FBXW7: variants seen among roughly 807,000 people sequenced by gnomAD.
FBXW7 encodes the protein F-box and WD repeat domain containing 7, also known as F-box/WD repeat-containing protein 7.
FBXW7 carries 11 observed loss-of-function variants against 86.3 expected under a neutral mutation model. The ratio of observed to expected loss-of-function variants is 0.13; its 90% CI spans 0.08 to 0.21. The LOEUF (loss-of-function observed/expected upper bound fraction) is 0.21. FBXW7 is among the 10% of genes least tolerant of loss of function. The pLI, the probability that FBXW7 is intolerant of heterozygous loss-of-function variation, is 1.00. For synonymous variants in FBXW7, 313 were observed against 297.9 expected, an observed-to-expected ratio of 1.05 and a Z score of -0.52; for missense variants, 488 against 847.4, an observed-to-expected ratio of 0.58 and a Z score of 5.27.
chr4:152,534,744 C>T (rs1750342123), intron 2 of FBXW7, among the ~76,000 whole-genome samples, 197 bp downstream of exon 2: 1 of 152,178 alleles, frequency 6.6e-6, no homozygotes, highest in Non-Finnish European at 1.5e-5. Context: ...AACCTGCATA[C>T]TTGCATTACT....
intron 2 of FBXW7, among the ~76,000 whole-genome samples, chr4:152,531,387 T>C (rs1345399554): frequency 6.6e-6 from 1 of 152,148 alleles, no homozygotes; most frequent in Non-Finnish European, 1.5e-5. Context: ...ATAATCACTG[T>C]TAAGAAGTCA....
In FBXW7 at chr4:152,381,326, A is replaced by G. The variant is rs549194176; in HGVS notation, c.501+29977T>C. Among the ~76,000 whole-genome samples, 11 of 152,208 alleles carry G rather than the reference A, an allele frequency of 7.2e-5. No homozygotes were observed. The South Asian group carries it at 2.1e-3, about 29-fold the overall frequency. On this transcript the variant is annotated intron_variant, in intron 4 of 13. Coordinates refer to ENST00000281708, the MANE Select transcript of FBXW7 (RefSeq NM_001349798.2). Reference sequence around the variant, plus strand: ...GTACAATACAATTATGTGTCAATTAAAAACAAAATAAAACTTTAAGAAACG... The same window carrying G: ...GTACAATACAATTATGTGTCAATTAGAAACAAAATAAAACTTTAAGAAACG...
intron 2 of FBXW7, among the ~76,000 whole-genome samples, chr4:152,513,380 T>G (rs1383554219): frequency 6.6e-6 from 1 of 152,078 alleles, no homozygotes; most frequent in South Asian, 2.1e-4. Flanking sequence ...TTAACCCTAA[T>G]CCAGGGAAGC....
chr4:152,417,650 G>A (rs534618826), intron 2 of FBXW7, among the ~76,000 whole-genome samples: 1 of 152,240 alleles, frequency 6.6e-6, no homozygotes, highest in Non-Finnish European at 1.5e-5. Flanking sequence ...ATCCCTGTGG[G>A]TGCGTAACAC....
At chr4:152,436,810 T>C (rs1245116158) in intron 2 of FBXW7, among the ~76,000 whole-genome samples, 1 of 152,180 alleles carries the variant, frequency 6.6e-6, no homozygotes, top group Non-Finnish European at 1.5e-5. Context: ...AGCACATCCA[T>C]TTATTGCAAG....
intron 2 of FBXW7, among the ~76,000 whole-genome samples, chr4:152,490,334 T>C (rs1465916077): frequency 1.3e-5 from 2 of 152,154 alleles, no homozygotes; most frequent in African/African-American, 2.4e-5. Flanking sequence ...TTTTATACTA[T>C]GTATATTTTG....
chr4:152,397,787 C>T (rs1353346647), intron 4 of FBXW7, among the ~76,000 whole-genome samples: 1 of 151,108 alleles, frequency 6.6e-6, no homozygotes. Flanking sequence ...TGGTTATACC[C>T]CACAATATTA....
intron 4 of FBXW7, among the ~76,000 whole-genome samples, chr4:152,373,374 C>T (rs1734179106): frequency 6.6e-6 from 1 of 151,940 alleles, no homozygotes; most frequent in Admixed American, 6.6e-5. Context: ...AAAATATTAA[C>T]AGTAGTATTT....
Position 152,336,894 on chromosome 4 carries a change from C to CT in FBXW7, c.861+907dup, listed in dbSNP as rs1420823700. 2.6e-5 allele frequency among the ~76,000 whole-genome samples: 4 copies of CT among 151,928 alleles called. No individual in the cohort carries two copies. In the South Asian group the frequency reaches 6.2e-4, roughly 24 times the overall value. On this transcript the variant is annotated intron_variant, in intron 7 of 13. Transcript: ENST00000281708. ...TAGAATGATAATCTTAAAAAAATGA[C>CT]TTTTTTCTGTTCAAATTTGAAGTTT...
chr4:152,473,633 A>C (rs1490670342), intron 2 of FBXW7, among the ~76,000 whole-genome samples: 1 of 151,304 alleles, frequency 6.6e-6, no homozygotes, highest in African/African-American at 2.4e-5. Flanking sequence ...GGTGTGCACC[A>C]CCACGCCTGC....
At chr4:152,496,737 T>G (rs767084933) in intron 2 of FBXW7, among the ~76,000 whole-genome samples, 3 of 152,130 alleles carry the variant, frequency 2.0e-5, no homozygotes, top group Non-Finnish European at 4.4e-5. Flanking sequence ...AATGTAAAGG[T>G]GACAACTATC....
chr4:152,389,374 ATAAC>A (rs1010750166), intron 4 of FBXW7, among the ~76,000 whole-genome samples: 1 of 152,118 alleles, frequency 6.6e-6, no homozygotes, highest in Non-Finnish European at 1.5e-5. Context: ...GTCAACTATG[ATAAC>A]TAACCCACAT....
intron 5 of FBXW7, among the ~76,000 whole-genome samples, chr4:152,347,437 A>G (rs1298664921): frequency 6.6e-6 from 1 of 152,290 alleles, no homozygotes; most frequent in East Asian, 1.9e-4. Flanking sequence ...TGACATAAGT[A>G]AAGTTTAAAT....
At chr4:152,457,099 T>C (rs887197120) in intron 2 of FBXW7, among the ~76,000 whole-genome samples, 11 of 152,244 alleles carry the variant, frequency 7.2e-5, no homozygotes, top group East Asian at 1.9e-4. Flanking sequence ...CTCAAATATA[T>C]TGAGCTAGGG....
intron 2 of FBXW7, among the ~76,000 whole-genome samples, chr4:152,495,100 C>T (rs761768278): frequency 5.3e-5 from 8 of 152,080 alleles, no homozygotes; most frequent in African/African-American, 7.2e-5. Context: ...ACCTGAAAAG[C>T]CTTCCCACAG....
At chr4:152,424,342 ACAAT>A (rs1323397560) in intron 2 of FBXW7, among the ~76,000 whole-genome samples, 2 of 152,200 alleles carry the variant, frequency 1.3e-5, no homozygotes, top group South Asian at 2.1e-4. Flanking sequence ...GACTAATAGG[ACAAT>A]CAATGTTTAT....
chr4:152,526,497 A>G (rs1169184002), intron 2 of FBXW7, among the ~76,000 whole-genome samples: 1 of 152,218 alleles, frequency 6.6e-6, no homozygotes, highest in Non-Finnish European at 1.5e-5. Flanking sequence ...AATTTTTAAA[A>G]CCCACATACT....
chr4:152,482,711 T>C (rs1202873853), intron 2 of FBXW7, among the ~76,000 whole-genome samples: 1 of 152,172 alleles, frequency 6.6e-6, no homozygotes, highest in African/African-American at 2.4e-5. Context: ...AGATATTTCT[T>C]TATTTACTCA....
At chr4:152,430,598 G>A (rs571996874) in intron 2 of FBXW7, among the ~76,000 whole-genome samples, 1 of 152,204 alleles carries the variant, frequency 6.6e-6, no homozygotes, top group East Asian at 1.9e-4. Context: ...GTTACTTGGT[G>A]TTAGAATTAA....
Sources: gnomAD v4.1 joint callset for allele counts (sites outside exome capture counted in the v4.1 genomes callset) on GRCh38, gnomAD v4.1.1 for gene constraint, MANE v1.5 for transcripts, NCBI Gene and HGNC (gene_info 2026-07-23, HGNC 2026-07-21) for gene names.